The following GRAMD1A variants were observed in gnomAD, a reference collection of about 807,000 sequenced individuals.
The protein encoded by GRAMD1A is protein Aster-A.
GRAMD1A carries 50 observed loss-of-function variants against 92.0 expected under a neutral mutation model. The ratio of observed to expected loss-of-function variants is 0.54; its 90% CI spans 0.43 to 0.69. The LOEUF is 0.69. Among genes scored for constraint, GRAMD1A ranks in the 30% least tolerant of loss-of-function variants. GRAMD1A has a pLI of 0.00. For missense variants in GRAMD1A, 819 were observed against 978.9 expected, an observed-to-expected ratio of 0.84 and a Z score of 2.18; for synonymous variants, 405 against 403.6, an observed-to-expected ratio of 1.00 and a Z score of -0.04.
chr19:35,001,898 G>T (rs1235147294), intron 1 of GRAMD1A, among the ~76,000 whole-genome samples: 1 of 152,088 alleles, frequency 6.6e-6, no homozygotes, highest in African/African-American at 2.4e-5. Flanking sequence ...TTAAGCCATC[G>T]CGCCTGGCTT....
chr19:35,023,666 G>A (rs2016246238), intron 19 of GRAMD1A, 119 bp downstream of exon 19: 2 of 996,798 alleles, frequency 2.0e-6, no homozygotes, highest in Non-Finnish European at 2.8e-6. Flanking sequence ...TCTGTAAAAT[G>A]AGGAAGCCGC....
At position 35,013,178 on chromosome 19, in the gene GRAMD1A, G is replaced by C. The variant is rs1340037015; in HGVS notation, c.607-78G>C. ...GGAAGCCAGGGGAACTGCGGAGGCC[G>C]AGGGCTGGTGGGGAATCTGGCGGGC... On this transcript the variant is annotated intron_variant, in intron 7 of 19. Coordinates refer to ENST00000317991, the MANE Select transcript of GRAMD1A (RefSeq NM_020895.5). The surrounding 1 kb of genome is among the most constrained non-coding windows in gnomAD (Gnocchi z 4.9). 2 of 740,646 alleles carry C rather than the reference G, an allele frequency of 2.7e-6. No homozygotes were observed. Among genetic ancestry groups the C allele is most frequent in the African/African-American group, 1.7e-5 (1 of 57,988 alleles). The allele number at this position is 740,646 out of a possible 1,614,324, so 45.9% of individuals were successfully genotyped here.
upstream of GRAMD1A, among the ~76,000 whole-genome samples, chr19:34,997,265 C>G (rs560696321): frequency 6.6e-6 from 1 of 151,598 alleles, no homozygotes; most frequent in African/African-American, 2.4e-5. Flanking sequence ...TAACACCATG[C>G]GTGAGGCCTA....
At chr19:35,016,355 G>A (rs990831521) in intron 11 of GRAMD1A, among the ~76,000 whole-genome samples, 1 of 151,892 alleles carries the variant, frequency 6.6e-6, no homozygotes, top group Non-Finnish European at 1.5e-5. Flanking sequence ...CCAGCACTTT[G>A]GGAGGCCGAG....
chr19:35,019,741 C>T (rs765198707), intron 13 of GRAMD1A, among the ~76,000 whole-genome samples: 1 of 152,116 alleles, frequency 6.6e-6, no homozygotes, highest in Non-Finnish European at 1.5e-5. Flanking sequence ...GTGTTTGAGC[C>T]TCAAGACTCT....
upstream of GRAMD1A, chr19:35,000,156 C>T (rs544631335): frequency 1.3e-4 from 132 of 1,004,890 alleles, 4 homozygotes; most frequent in South Asian, 5.5e-3. This position sits in a 1 kb window ranked among gnomAD's most constrained non-coding sequence, Gnocchi z 4.9. Flanking sequence ...TGCCCCTCTG[C>T]TTTCCCTTCT....
At chr19:34,995,570 G>GTTTTTCTTTTTTTTTTTTTTTTTT (rs1173583059), upstream of GRAMD1A, among the ~76,000 whole-genome samples, 2 of 80,956 alleles carry the variant, frequency 2.5e-5, 1 homozygote. Flanking sequence ...TCAGATCACG[G>GTTTTTCTTTTTTTTTTTTTTTTTT]GTTTTTTTTT....
In GRAMD1A at chr19:35,021,384, CTG is replaced by C. The variant is rs1247102229; in HGVS notation, c.1476-115_1476-114del. 1.3e-6 allele frequency: 1 copy of C among 746,480 alleles called. No individual in the cohort carries two copies. Among genetic ancestry groups the C allele is most frequent in the Non-Finnish European group, 2.4e-6 (1 of 424,874 alleles). The allele number at this position is 746,480 out of a possible 1,614,324, so 46.2% of individuals were successfully genotyped here. ...GGGGTAGGGAACCCATCTGTTTTGT[CTG>C]TGAGTGACAAGGGGCCCTCTCTGAA... On this transcript the variant is annotated intron_variant, in intron 13 of 19. Coordinates refer to ENST00000317991, the MANE Select transcript of GRAMD1A (RefSeq NM_020895.5). This position sits in a 1 kb window ranked among gnomAD's most constrained non-coding sequence, Gnocchi z 5.3.
intron 13 of GRAMD1A, among the ~76,000 whole-genome samples, chr19:35,020,847 G>GCAGGGAGGC (rs899793478): frequency 1.3e-5 from 2 of 152,164 alleles, no homozygotes; most frequent in African/African-American, 4.8e-5. Flanking sequence ...AGGTACAGGA[G>GCAGGGAGGC]CAGGGAGGCC....
chr19:35,024,297 G>A (rs950903314), intron 19 of GRAMD1A, among the ~76,000 whole-genome samples: 2 of 152,256 alleles, frequency 1.3e-5, no homozygotes, highest in Non-Finnish European at 1.5e-5. Context: ...AACACTGGAT[G>A]TGGGCTGGCT....
Position 35,000,531 on chromosome 19 carries a change from A to G in GRAMD1A, c.8+45A>G. ...AGCTCAGGGACCGGGCGCGCGGGGG[A>G]GGCCACCGGAGGGAGGGGGCGCCGC... On this transcript the variant is annotated intron_variant, in intron 1 of 19. Transcript: ENST00000317991. The surrounding 1 kb of genome is among the most constrained non-coding windows in gnomAD (Gnocchi z 4.9). 7 of 1,213,902 alleles carry G rather than the reference A, an allele frequency of 5.8e-6. No individual in the cohort carries two copies. Among genetic ancestry groups the G allele is most frequent in the South Asian group, 2.9e-5 (1 of 34,176 alleles). 75.2% of individuals were successfully genotyped at this position (1,213,902 alleles called of 1,614,324 possible).
upstream of GRAMD1A, chr19:34,995,991 C>G: frequency 6.7e-7 from 1 of 1,498,378 alleles, no homozygotes; most frequent in Non-Finnish European, 8.9e-7. Flanking sequence ...TTCTCTTTCC[C>G]AGAGACCACA....
At chr19:34,996,699 A>G (rs764400604), upstream of GRAMD1A, among the ~76,000 whole-genome samples, 1 of 151,666 alleles carries the variant, frequency 6.6e-6, no homozygotes, top group Non-Finnish European at 1.5e-5. Context: ...CAAGCTATTC[A>G]GGAGGCTGGG....
chr19:35,014,676 C>T (rs1048338005), intron 10 of GRAMD1A: 2 of 486,462 alleles, frequency 4.1e-6, no homozygotes, highest in South Asian at 4.4e-5. Flanking sequence ...TTGCTTTCCT[C>T]CTCTGAAAAT....
At chr19:35,004,995 C>T (rs1468289088) in intron 1 of GRAMD1A, among the ~76,000 whole-genome samples, 1 of 152,102 alleles carries the variant, frequency 6.6e-6, no homozygotes, top group African/African-American at 2.4e-5. Context: ...ACTGGAAGGT[C>T]CTTGGACTGT....
chr19:35,005,630 C>G (rs2151704842), intron 1 of GRAMD1A, among the ~76,000 whole-genome samples: 1 of 152,238 alleles, frequency 6.6e-6, no homozygotes, highest in East Asian at 1.9e-4. Flanking sequence ...GCCTGGGCCA[C>G]TGGCTGTTTA....
intron 1 of GRAMD1A, chr19:35,005,914 A>C (rs1195721993): frequency 4.4e-6 from 2 of 456,304 alleles, no homozygotes; most frequent in Admixed American, 4.7e-5. Context: ...ACAGAATGGC[A>C]TATGTTAAGG....
Position 35,013,854 on chromosome 19 carries a change from TGACAGGGAAAGAGA to T in GRAMD1A, c.870+173_870+186del, listed in dbSNP as rs562665678. 1.1e-4 allele frequency among the ~76,000 whole-genome samples: 16 copies of T among 151,528 alleles called. No homozygotes were observed. In the South Asian group the frequency reaches 3.4e-3, roughly 32 times the overall value. Reference sequence around the variant, plus strand: ...GGACAGGGAGGGGAAGACGGACATGTGACAGGGAAAGAGAGACAGGGAAGAGAGGGGACAGACAG... The same window carrying T: ...GGACAGGGAGGGGAAGACGGACATGTGACAGGGAAGAGAGGGGACAGACAG... On this transcript the variant is annotated intron_variant, in intron 9 of 19. Transcript: ENST00000317991. This position sits in a 1 kb window ranked among gnomAD's most constrained non-coding sequence, Gnocchi z 4.9.
rs2015036104 is a variant in GRAMD1A at position 35,009,162 on chromosome 19, T to C, written c.52T>C (p.Ser18Pro). The stretch of plus-strand genomic sequence containing the variant: ...CCGGAGCACGCCAAGCAGCTCCCCA[T>C]CGCTCCGGAAACGGCTGCAGCTCCT... ...SGRSTPSSSP[S>P]LRKRLQLLPP... Residue 18 changes from serine to proline, a missense_variant, in exon 2 of 20, where the codon TCG becomes CCG. By Grantham distance (74) the Ser-to-Pro change is moderately conservative. Coordinates refer to ENST00000317991, the MANE Select transcript of GRAMD1A (RefSeq NM_020895.5). 6.2e-7 allele frequency: 1 copy of C among 1,613,924 alleles called. No individual in the cohort carries two copies. The highest frequency in any genetic ancestry group is 1.7e-5 in the Admixed American group (1 of 60,016).
Sources: allele counts gnomAD v4.1 joint callset (sites outside exome capture counted in the v4.1 genomes callset), GRCh38; gene constraint gnomAD v4.1.1; non-coding constraint Gnocchi (gnomAD v3.1); transcripts MANE v1.5; gene names NCBI Gene and HGNC (gene_info 2026-07-23, HGNC 2026-07-21).